SHISA9: variants seen among roughly 807,000 people sequenced by gnomAD.
The protein encoded by SHISA9 is shisa family member 9, also known as protein shisa-9.
SHISA9 carries 13 observed loss-of-function variants against 38.0 expected under a neutral mutation model. That is an observed-to-expected ratio of 0.34 (90% CI 0.22 to 0.54). The LOEUF (loss-of-function observed/expected upper bound fraction) is 0.54. Among genes scored for constraint, SHISA9 ranks in the 20% least tolerant of loss-of-function variants. The probability of loss-of-function intolerance (pLI) is 0.91; values close to 1 mark genes in which losing one functional copy is unlikely to be tolerated. For missense variants in SHISA9, 538 were observed against 575.8 expected (o/e 0.93, Z 0.67); for synonymous variants, 275 against 242.0 (o/e 1.14, Z -1.27).
chr16:13,234,892 A>G (rs1389894950), intron 4 of SHISA9, 138 bp from the exon 5 acceptor site: 50 of 962,340 alleles, frequency 5.2e-5, no homozygotes, highest in Non-Finnish European at 7.0e-5. Flanking sequence ...TGGAGTTTCT[A>G]GTGTGTCTTG....
intron 2 of SHISA9, among the ~76,000 whole-genome samples, chr16:13,088,710 G>C (rs1371890052): frequency 6.6e-6 from 1 of 152,198 alleles, no homozygotes; most frequent in East Asian, 1.9e-4. Context: ...GAGATTTTGG[G>C]CTGAGATGAT....
chr16:13,175,168 A>T (rs866235986), intron 2 of SHISA9, among the ~76,000 whole-genome samples: 1 of 151,772 alleles, frequency 6.6e-6, no homozygotes, highest in Non-Finnish European at 1.5e-5. Flanking sequence ...GGAATTAGAG[A>T]CCAGCTTGGG....
At chr16:13,369,210 T>C in the SHISA9 span, among the ~76,000 whole-genome samples, 7 of 152,162 alleles carry the variant, frequency 4.6e-5, no homozygotes, top group Non-Finnish European at 1.0e-4. Context: ...TTTCCGTATA[T>C]AGAAAGGATA....
the SHISA9 span, among the ~76,000 whole-genome samples, chr16:13,523,298 C>T: frequency 6.6e-6 from 1 of 152,046 alleles, no homozygotes; most frequent in Non-Finnish European, 1.5e-5. Context: ...TGCAGTGAGC[C>T]GAGATCCTGC....
chr16:13,244,153 A>G (rs190690282), downstream of SHISA9, among the ~76,000 whole-genome samples: 13 of 152,352 alleles, frequency 8.5e-5, no homozygotes, highest in African/African-American at 2.9e-4. Context: ...GTGAATGCCT[A>G]TGGATTCCCT....
chr16:13,180,897 C>A (rs1461356469), intron 2 of SHISA9, among the ~76,000 whole-genome samples: 1 of 152,094 alleles, frequency 6.6e-6, no homozygotes, highest in Non-Finnish European at 1.5e-5. Flanking sequence ...CAGGAGACAC[C>A]TGATGGAATC....
chr16:13,447,297 T>TCC, the SHISA9 span, among the ~76,000 whole-genome samples: 1 of 152,172 alleles, frequency 6.6e-6, no homozygotes, highest in African/African-American at 2.4e-5. Context: ...ACAGGGGGGT[T>TCC]CCTAAGTCTA....
At chr16:13,400,632 A>G in the SHISA9 span, among the ~76,000 whole-genome samples, 830 of 152,300 alleles carry the variant, frequency 5.4e-3, 9 homozygotes, top group African/African-American at 0.019. Flanking sequence ...AGTTGCTGCC[A>G]GGGTCCCCAC....
intron 2 of SHISA9, among the ~76,000 whole-genome samples, chr16:13,191,067 CT>C (rs2050880666): frequency 6.6e-6 from 1 of 152,072 alleles, no homozygotes; most frequent in Non-Finnish European, 1.5e-5. Flanking sequence ...TTGGATACTT[CT>C]TTTTTCCTTG....
the SHISA9 span, among the ~76,000 whole-genome samples, chr16:13,559,278 A>G: frequency 6.6e-6 from 1 of 152,188 alleles, no homozygotes; most frequent in East Asian, 1.9e-4. Flanking sequence ...CATTTTGTAG[A>G]TGGGAAGCTA....
the SHISA9 span, among the ~76,000 whole-genome samples, chr16:13,410,942 T>C: frequency 6.6e-6 from 1 of 152,206 alleles, no homozygotes; most frequent in Admixed American, 6.5e-5. Flanking sequence ...ATTAATATCA[T>C]TAAATCTAAA....
chr16:13,357,421 C>T, the SHISA9 span, among the ~76,000 whole-genome samples: 6 of 151,974 alleles, frequency 3.9e-5, no homozygotes, highest in East Asian at 1.9e-4. Context: ...AAAAAGAGGC[C>T]GCTTACCGGA....
At chr16:13,144,674 G>T (rs1377344988) in intron 2 of SHISA9, among the ~76,000 whole-genome samples, 1 of 152,162 alleles carries the variant, frequency 6.6e-6, no homozygotes. Context: ...CTAAACAATA[G>T]AAATAGATTT....
intron 2 of SHISA9, among the ~76,000 whole-genome samples, chr16:13,163,841 A>G (rs548228643): frequency 2.5e-4 from 38 of 152,208 alleles, no homozygotes; most frequent in East Asian, 9.6e-4. Context: ...GTGTCTTGCA[A>G]CCTTGCTAAA....
intron 2 of SHISA9, among the ~76,000 whole-genome samples, chr16:13,059,370 G>A (rs1007223116): frequency 1.2e-4 from 18 of 151,962 alleles, no homozygotes; most frequent in South Asian, 6.2e-4. Flanking sequence ...CTCGTGATCT[G>A]CCCACCTCGG....
chr16:12,904,011 A>G (rs960518907), intron 1 of SHISA9, among the ~76,000 whole-genome samples: 1 of 152,070 alleles, frequency 6.6e-6, no homozygotes, highest in African/African-American at 2.4e-5. Context: ...TTGGGTCAGC[A>G]GGGAGCTGTG....
At position 13,100,846 on chromosome 16, in the gene SHISA9, T is replaced by A. The variant is rs147624178; in HGVS notation, c.692-102548T>A. ...CCTCAGCCTCCCAAGTAGCTGGGAT[T>A]ACAGGCATGAGCCACCACGCCTGGC... On this transcript the variant is annotated intron_variant, in intron 2 of 4. Coordinates refer to ENST00000558583, the MANE Select transcript of SHISA9 (RefSeq NM_001145204.3). Among the ~76,000 whole-genome samples the A allele has an allele frequency of 2.0e-4, 30 of 152,296 alleles. 1 individual carries two copies. The highest frequency in any genetic ancestry group is 7.2e-4 in the African/African-American group (30 of 41,576).
At chr16:13,218,826 A>C (rs2051195431) in intron 4 of SHISA9, among the ~76,000 whole-genome samples, 1 of 152,234 alleles carries the variant, frequency 6.6e-6, no homozygotes, top group Non-Finnish European at 1.5e-5. Flanking sequence ...GACAATGTGC[A>C]ATAGGGTTAC....
the SHISA9 span, among the ~76,000 whole-genome samples, chr16:13,463,003 A>G: frequency 1.3e-5 from 2 of 152,066 alleles, no homozygotes; most frequent in Non-Finnish European, 2.9e-5. Flanking sequence ...AAAATACAAA[A>G]AAGTTAGCTG....
Sources: allele counts gnomAD v4.1 joint callset (sites outside exome capture counted in the v4.1 genomes callset), GRCh38; gene constraint gnomAD v4.1.1; transcripts MANE v1.5; gene names NCBI Gene and HGNC (gene_info 2026-07-23, HGNC 2026-07-21).